The following ADD3 variants were observed in gnomAD, a reference collection of about 807,000 sequenced individuals.
ADD3 encodes gamma-adducin.
Under a neutral mutation model 80.2 loss-of-function variants are expected in ADD3, and 25 were observed. That is an observed-to-expected ratio of 0.31 (90% CI 0.23 to 0.44). The LOEUF is 0.44. Among genes scored for constraint, ADD3 ranks in the 20% least tolerant of loss-of-function variants. The probability of loss-of-function intolerance (pLI) is 1.00; values close to 1 mark genes in which losing one functional copy is unlikely to be tolerated. For missense variants in ADD3, 829 were observed against 847.5 expected, an observed-to-expected ratio of 0.98 and a Z score of 0.27; for synonymous variants, 284 against 289.6, an observed-to-expected ratio of 0.98 and a Z score of 0.20.
intron 9 of ADD3, chr10:110,123,767 C>T (rs1851805229): frequency 8.9e-6 from 4 of 448,884 alleles, no homozygotes; most frequent in South Asian, 5.7e-5. Flanking sequence ...TAGAACTGTT[C>T]GTTTGTCGGG....
intron 1 of ADD3, among the ~76,000 whole-genome samples, chr10:110,027,785 A>AG (rs1326148535): frequency 1.3e-5 from 2 of 152,200 alleles, no homozygotes; most frequent in Non-Finnish European, 2.9e-5. Flanking sequence ...CACTTCAGAG[A>AG]GAAAAAAAAC....
chr10:110,024,017 G>A (rs1311389189), intron 1 of ADD3, among the ~76,000 whole-genome samples: 1 of 152,170 alleles, frequency 6.6e-6, no homozygotes, highest in Non-Finnish European at 1.5e-5. Flanking sequence ...ACTACTAGAG[G>A]CAGAAGAGAG....
intron 1 of ADD3, among the ~76,000 whole-genome samples, chr10:110,096,806 T>C (rs981873111): frequency 6.6e-6 from 1 of 152,146 alleles, no homozygotes; most frequent in South Asian, 2.1e-4. Context: ...AAAAAGTAGA[T>C]CGCAGGGAAG....
Position 110,130,238 on chromosome 10 carries a change from G to A in ADD3, c.1609-125G>A, listed in dbSNP as rs13306105. On this transcript the variant is annotated intron_variant, in intron 12 of 14. Coordinates refer to ENST00000356080, the MANE Select transcript of ADD3 (RefSeq NM_016824.5). ...AAAGCATGTTACCTTGCATTTCTTA[G>A]GATTGTTGTGAAATAAGGCTTCACA... The A allele has an allele frequency of 3.8e-5, 37 of 964,732 alleles. No individual in the cohort carries two copies. The East Asian group carries it at 4.5e-4, about 12-fold the overall frequency. The allele number at this position is 964,732 out of a possible 1,614,324, so 59.8% of individuals were successfully genotyped here.
intron 1 of ADD3, among the ~76,000 whole-genome samples, chr10:110,066,617 C>A (rs901915547): frequency 3.9e-5 from 6 of 151,936 alleles, no homozygotes; most frequent in African/African-American, 4.8e-5. Context: ...AAGAATGAAC[C>A]CTTCAACATT....
chr10:110,012,823 T>C (rs1411526830), intron 1 of ADD3, among the ~76,000 whole-genome samples: 2 of 152,076 alleles, frequency 1.3e-5, no homozygotes, highest in Admixed American at 6.5e-5. Context: ...GGTCTCGAAC[T>C]CCTGGGCTCA....
chr10:110,007,135 TG>T (rs1251559572), upstream of ADD3, among the ~76,000 whole-genome samples: 1 of 152,182 alleles, frequency 6.6e-6, no homozygotes, highest in Non-Finnish European at 1.5e-5. Context: ...TTGCAAAGTT[TG>T]CCCGGCCCCG....
chr10:110,010,472 C>T (rs1016749350), intron 1 of ADD3, among the ~76,000 whole-genome samples: 4 of 152,084 alleles, frequency 2.6e-5, no homozygotes, highest in Non-Finnish European at 4.4e-5. Flanking sequence ...TTAGCTTAAC[C>T]GAGTTGTTAT....
intron 1 of ADD3, among the ~76,000 whole-genome samples, chr10:110,096,439 T>C (rs751130245): frequency 2.0e-5 from 3 of 152,242 alleles, no homozygotes; most frequent in Non-Finnish European, 2.9e-5. Context: ...CAGTTTTCAC[T>C]TTAGTTATCT....
At chr10:110,070,456 AAAT>A (rs67286154) in intron 1 of ADD3, among the ~76,000 whole-genome samples, 21,506 of 152,202 alleles carry the variant, frequency 0.14, 1,867 homozygotes, top group East Asian at 0.4. Flanking sequence ...TAAATTTAAA[AAAT>A]CTAAAATCAA....
At chr10:110,030,278 G>A (rs560553338) in intron 1 of ADD3, among the ~76,000 whole-genome samples, 2 of 148,526 alleles carry the variant, frequency 1.3e-5, no homozygotes, top group East Asian at 1.9e-4. Context: ...AGCCAAGATC[G>A]CACCATTGCA....
chr10:110,052,939 G>A (rs775842274), intron 1 of ADD3, among the ~76,000 whole-genome samples: 8 of 152,124 alleles, frequency 5.3e-5, no homozygotes, highest in Non-Finnish European at 8.8e-5. Context: ...GTTCTATGAA[G>A]ATATAAATAA....
At chr10:110,114,222 T>A (rs1483065462) in intron 3 of ADD3, among the ~76,000 whole-genome samples, 1 of 152,154 alleles carries the variant, frequency 6.6e-6, no homozygotes, top group African/African-American at 2.4e-5. Flanking sequence ...AAGCGGAAGT[T>A]AAAGTTGGAA....
rs990256815 is a variant in ADD3, at chr10:110,119,630, C to T, written c.960+66C>T. ...TGCTCGTTTAGTTGGATTTTGTGTA[C>T]TTATTTGCAAATACATATTAGTTAG... On this transcript the variant is annotated intron_variant, in intron 8 of 14. Transcript: ENST00000356080. 13 of 1,398,578 alleles carry T rather than the reference C, an allele frequency of 9.3e-6. No homozygotes were observed. The African/African-American group carries it at 1.0e-4, about 11-fold the overall frequency. The allele number at this position is 1,398,578 out of a possible 1,614,324, so 86.6% of individuals were successfully genotyped here. A position where few individuals can be genotyped will look rare whatever the true frequency, so the allele number is the denominator to read the frequency against.
chr10:110,026,603 A>C (rs531184680), intron 1 of ADD3, among the ~76,000 whole-genome samples: 1 of 152,162 alleles, frequency 6.6e-6, no homozygotes, highest in East Asian at 1.9e-4. Context: ...AGTCAGTTTT[A>C]ATAGGACCCA....
intron 12 of ADD3, among the ~76,000 whole-genome samples, chr10:110,126,737 G>A (rs1228679966): frequency 6.6e-6 from 1 of 152,018 alleles, no homozygotes; most frequent in African/African-American, 2.4e-5. Flanking sequence ...TTGAGATGAG[G>A]TCTCACTCTG....
At chr10:110,093,561 C>T (rs935667232) in intron 1 of ADD3, among the ~76,000 whole-genome samples, 1 of 152,132 alleles carries the variant, frequency 6.6e-6, no homozygotes, top group African/African-American at 2.4e-5. Flanking sequence ...TTAAGACTTC[C>T]TATATACTGA....
chr10:110,119,080 G>A, intron 6 of ADD3, 131 bp from the exon 7 acceptor site: 2 of 941,836 alleles, frequency 2.1e-6, no homozygotes, highest in Middle Eastern at 3.3e-4. Flanking sequence ...TGAATAAAGT[G>A]GGAAGTGGGC....
intron 1 of ADD3, among the ~76,000 whole-genome samples, chr10:109,999,278 G>C (rs958805616): frequency 6.6e-6 from 1 of 152,170 alleles, no homozygotes; most frequent in Admixed American, 6.5e-5. Context: ...TGTTCAATGA[G>C]GAGACCTAGG....
Sources: allele counts gnomAD v4.1 joint callset (sites outside exome capture counted in the v4.1 genomes callset), GRCh38; gene constraint gnomAD v4.1.1; transcripts MANE v1.5; gene names NCBI Gene and HGNC (gene_info 2026-07-23, HGNC 2026-07-21).